DCP1B: variants seen among roughly 807,000 people sequenced by gnomAD.
DCP1B encodes mRNA-decapping enzyme 1B.
In DCP1B, 47 loss-of-function variants were observed where a neutral mutation model predicts 60.5. The observed-to-expected ratio is 0.78, with a 90% confidence interval of 0.61 to 0.99. The LOEUF (loss-of-function observed/expected upper bound fraction) is 0.99. Ranked by LOEUF, DCP1B falls within the 50% of genes least tolerant of loss-of-function variation. DCP1B has a pLI of 0.00. For missense variants in DCP1B, 725 were observed against 756.8 expected (o/e 0.96, Z 0.49); for synonymous variants, 267 against 280.3 (o/e 0.95, Z 0.47).
intron 8 of DCP1B, among the ~76,000 whole-genome samples, chr12:1,947,962 G>A (rs182190711): frequency 1.1e-4 from 17 of 152,216 alleles, no homozygotes; most frequent in African/African-American, 3.9e-4. Flanking sequence ...CACTGTGCCC[G>A]GCCAACATGG....
At chr12:1,975,792 T>G (rs998475626) in intron 3 of DCP1B, among the ~76,000 whole-genome samples, 2 of 152,192 alleles carry the variant, frequency 1.3e-5, no homozygotes, top group African/African-American at 4.8e-5. Context: ...ACATGGGTTT[T>G]TCCTCACCTC....
In DCP1B at chr12:1,962,601, ATAAC is replaced by A. The variant is rs1365140516; in HGVS notation, c.522+2953_522+2956del. Among the ~76,000 whole-genome samples, 3 of 152,194 alleles carry A rather than the reference ATAAC, an allele frequency of 2.0e-5. No homozygotes were observed. The highest frequency in any genetic ancestry group is 7.2e-5 in the African/African-American group (3 of 41,442). On this transcript the variant is annotated intron_variant, in intron 5 of 8. Transcript: ENST00000280665. This position sits in a 1 kb window ranked among gnomAD's most constrained non-coding sequence, Gnocchi z 4.4. ...CATAATATAGTATAATTAATAAAGTATAACTAATTATTCAACTAGTTGCCAAGTC... is the reference window on the plus strand; with the variant it reads ...CATAATATAGTATAATTAATAAAGTATAATTATTCAACTAGTTGCCAAGTC...
chr12:1,965,632 TCA>T lies in DCP1B; in HGVS notation c.446_447del (p.Val149AspfsTer27). The T allele has an allele frequency of 6.2e-7, 1 of 1,614,028 alleles. No individual in the cohort carries two copies. Among genetic ancestry groups the T allele is most frequent in the Non-Finnish European group, 8.5e-7 (1 of 1,179,932 alleles). ...HQGTGAGISP[V>X]ILNSGEGKEV... ...TCTTTGCCCTCTCCTGAATTGAGGATCACTGGGGAAATTCCTGCTCCAGTTCC... is the reference window on the plus strand; with the variant it reads ...TCTTTGCCCTCTCCTGAATTGAGGATCTGGGGAAATTCCTGCTCCAGTTCC... On this transcript the variant is annotated frameshift_variant, in exon 5 of 9. Transcript: ENST00000280665. LOFTEE classifies it high-confidence loss of function.
intron 2 of DCP1B, 143 bp downstream of exon 2, chr12:1,997,792 G>T: frequency 1.4e-6 from 1 of 692,346 alleles, no homozygotes; most frequent in Non-Finnish European, 2.5e-6. Context: ...CCTTCTTCGT[G>T]TCAACTAATA....
intron 3 of DCP1B, among the ~76,000 whole-genome samples, chr12:1,990,760 G>A (rs1002625539): frequency 2.6e-5 from 4 of 152,026 alleles, no homozygotes; most frequent in African/African-American, 9.7e-5. Flanking sequence ...CCCAAAGAAA[G>A]GCCAACCAAT....
Position 1,948,352 on chromosome 12 carries a change from G to A in DCP1B, c.1773+734C>T, listed in dbSNP as rs986487759. 2.6e-5 allele frequency among the ~76,000 whole-genome samples: 4 copies of A among 152,198 alleles called. No homozygotes were observed. The highest frequency in any genetic ancestry group is 9.7e-5 in the African/African-American group (4 of 41,446). Reference sequence around the variant, plus strand: ...GTGCATCCCAGCCCTGCTTATGTACGAGCTCCGTGCCTCAGGCCAGTTGCT... The same window carrying A: ...GTGCATCCCAGCCCTGCTTATGTACAAGCTCCGTGCCTCAGGCCAGTTGCT... On this transcript the variant is annotated intron_variant, in intron 8 of 8. Transcript: ENST00000280665. The surrounding 1 kb of genome is among the most constrained non-coding windows in gnomAD (Gnocchi z 4.8).
chr12:1,949,117 T>G lies in DCP1B; in HGVS notation c.1742A>C (p.Gln581Pro). Residue 581 changes from glutamine (Q) to proline (P), a missense_variant, in exon 8 of 9, where the codon CAG (glutamine) becomes CCG (proline). Physicochemically the swap from Gln to Pro is moderately conservative, Grantham distance 76. Transcript: ENST00000280665. ...GAGGTACAGCAGTGCCTCCTGGAGC[T>G]GGAGCTTGGTGAGTGGGCTGCTGGT... ...VITSSPLTKLQLQEALLYLIQ... is the reference protein window; with the variant it reads ...VITSSPLTKLPLQEALLYLIQ... 6.2e-7 allele frequency: 1 copy of G among 1,614,058 alleles called. No homozygotes were observed. The highest frequency in any genetic ancestry group is 8.5e-7 in the Non-Finnish European group (1 of 1,179,960).
At position 1,967,933 on chromosome 12, in the gene DCP1B, A is replaced by G. The variant is rs1466346843; in HGVS notation, c.320-23T>C. The stretch of plus-strand genomic sequence containing the variant: ...ACACTGCAAAAAACACACATCAAAC[A>G]AATTATGAGCATCTTCAAAACTACA... On this transcript the variant is annotated intron_variant, in intron 3 of 8. Coordinates refer to ENST00000280665, the MANE Select transcript of DCP1B (RefSeq NM_152640.5). 1.9e-6 allele frequency: 3 copies of G among 1,598,516 alleles called. No individual in the cohort carries two copies. The Admixed American group carries it at 5.3e-5, about 28-fold the overall frequency.
chr12:1,991,215 C>G, intron 3 of DCP1B: 1 of 456,070 alleles, frequency 2.2e-6, no homozygotes, highest in Non-Finnish European at 4.4e-6. Context: ...TTTACACAGT[C>G]TGCCTCCTCA....
At position 1,998,174 on chromosome 12, in the gene DCP1B, A is replaced by G. The variant is rs1203735440; in HGVS notation, c.151-199T>C. Among the ~76,000 whole-genome samples, 4 of 152,260 alleles carry G rather than the reference A, an allele frequency of 2.6e-5. No individual in the cohort carries two copies. The East Asian group carries it at 7.7e-4, about 29-fold the overall frequency. On this transcript the variant is annotated intron_variant, in intron 1 of 8. Transcript: ENST00000280665. The stretch of plus-strand genomic sequence containing the variant: ...CTCTGCAGATTAGGCAGCAGGAAGC[A>G]GTCTTTCTTTTGTCATTTATAAAAC...
At chr12:1,992,774 T>C (rs763977475) in intron 3 of DCP1B, 13 of 202,366 alleles carry the variant, frequency 6.4e-5, no homozygotes, top group Non-Finnish European at 1.3e-4. Context: ...GAAAGAAACT[T>C]TTTGGACTTT....
At chr12:1,954,742 T>A (rs558256023) in intron 6 of DCP1B, among the ~76,000 whole-genome samples, 1 of 152,276 alleles carries the variant, frequency 6.6e-6, no homozygotes, top group South Asian at 2.1e-4. Context: ...AAATCAACTC[T>A]GTGTCCTTGG....
Position 1,949,092 on chromosome 12 carries a change from G to A in DCP1B, c.1767C>T (p.Leu589=), listed in dbSNP as rs2030555726. 1 of 1,612,082 alleles carries A rather than the reference G, an allele frequency of 6.2e-7. No homozygotes were observed. The highest frequency in any genetic ancestry group is 2.2e-5 in the East Asian group (1 of 44,800). ...KLQLQEALLY[L]IQNDDNFLNI... is the part of the protein sequence containing the mutation. ...AGATGACGTGCTTGCTTACCTGAAT[G>A]AGGTACAGCAGTGCCTCCTGGAGCT... The change falls in exon 8 of 9, where the codon CTC becomes CTT. Residue 589 remains leucine, a synonymous_variant. Coordinates refer to ENST00000280665, the MANE Select transcript of DCP1B (RefSeq NM_152640.5).
At chr12:1,993,782 TA>T (rs2040119943) in intron 2 of DCP1B, among the ~76,000 whole-genome samples, 1 of 152,210 alleles carries the variant, frequency 6.6e-6, no homozygotes, top group Non-Finnish European at 1.5e-5. Context: ...AAAGATATTT[TA>T]AACAATCTTG....
rs538126639 is a variant in DCP1B, at chr12:1,993,406, G to C, written c.192-15C>G. On this transcript the variant is annotated splice_polypyrimidine_tract_variant and intron_variant, in intron 2 of 8. Transcript: ENST00000280665. ...GAGAAGCAGACCTAAAAATCACAAG[G>C]AGTCAGGGGGAAATCAATAGACAAA... The C allele has an allele frequency of 6.2e-7, 1 of 1,606,208 alleles. No homozygotes were observed. The highest frequency in any genetic ancestry group is 8.5e-7 in the Non-Finnish European group (1 of 1,175,362).
chr12:2,001,792 G>C (rs2042247478), intron 1 of DCP1B, among the ~76,000 whole-genome samples: 2 of 152,112 alleles, frequency 1.3e-5, no homozygotes, highest in Non-Finnish European at 2.9e-5. Context: ...GTCACTTTAG[G>C]GCAGTTTTCA....
Position 1,948,121 on chromosome 12 carries a change from G to C in DCP1B, c.1773+965C>G, listed in dbSNP as rs17694584. On this transcript the variant is annotated intron_variant, in intron 8 of 8. Transcript: ENST00000280665. The surrounding 1 kb of genome is among the most constrained non-coding windows in gnomAD (Gnocchi z 4.8). ...TTTCTTAAAGATTATCTACCAAAAA[G>C]ACACCTAAATATGTTAACTGGGGTG... is the stretch of plus-strand genomic sequence containing the variant. Among the ~76,000 whole-genome samples, 1 of 152,216 alleles carries C rather than the reference G, an allele frequency of 6.6e-6. No homozygotes were observed. The highest frequency in any genetic ancestry group is 2.4e-5 in the African/African-American group (1 of 41,452).
At chr12:1,967,511 A>G (rs1267909551) in intron 4 of DCP1B, among the ~76,000 whole-genome samples, 1 of 152,240 alleles carries the variant, frequency 6.6e-6, no homozygotes, top group Non-Finnish European at 1.5e-5. Context: ...TGTTCTTTTT[A>G]CCAACAGGCA....
intron 3 of DCP1B, among the ~76,000 whole-genome samples, chr12:1,968,207 C>A: frequency 6.6e-6 from 1 of 151,886 alleles, no homozygotes. Context: ...AAAAAATTAG[C>A]CAGGCCTGGT....
Sources: allele counts gnomAD v4.1 joint callset (sites outside exome capture counted in the v4.1 genomes callset), GRCh38; gene constraint gnomAD v4.1.1; non-coding constraint Gnocchi (gnomAD v3.1); transcripts MANE v1.5; gene names NCBI Gene and HGNC (gene_info 2026-07-23, HGNC 2026-07-21).